The following MEGF10 variants were observed in gnomAD, a reference collection of about 807,000 sequenced individuals.
MEGF10 encodes multiple EGF like domains 10.
MEGF10 carries 86 observed loss-of-function variants against 147.5 expected under a neutral mutation model. That is an observed-to-expected ratio of 0.58 (90% CI 0.49 to 0.70). The LOEUF (loss-of-function observed/expected upper bound fraction) is 0.70, where lower values mean the gene tolerates loss of function less well. MEGF10 is among the 30% of genes least tolerant of loss of function. The pLI is 0.00. For synonymous variants in MEGF10, 478 were observed against 525.5 expected (o/e 0.91, Z 1.24); for missense variants, 1,329 against 1,487.3 (o/e 0.89, Z 1.75).
chr5:127,371,575 G>C (rs1762854267), intron 5 of MEGF10, among the ~76,000 whole-genome samples: 1 of 152,170 alleles, frequency 6.6e-6, no homozygotes, highest in African/African-American at 2.4e-5. Context: ...TCCAGGGCAA[G>C]AATGCCACAG....
At chr5:127,235,408 G>A in the MEGF10 span, among the ~76,000 whole-genome samples, 4 of 152,238 alleles carry the variant, frequency 2.6e-5, no homozygotes, top group South Asian at 2.1e-4. Flanking sequence ...GATGTTTAAC[G>A]TTTTGTCCAG....
chr5:127,337,206 T>A (rs1486428739), intron 2 of MEGF10, among the ~76,000 whole-genome samples: 1 of 152,110 alleles, frequency 6.6e-6, no homozygotes, highest in Admixed American at 6.6e-5. Context: ...CCAGTACATA[T>A]GTTACAGTGA....
At chr5:127,420,252 T>C (rs774058109) in intron 12 of MEGF10, 45 bp downstream of exon 12, 8 of 1,588,544 alleles carry the variant, frequency 5.0e-6, no homozygotes, top group African/African-American at 2.7e-5. Context: ...TATGAGGAAC[T>C]GATGTTGTAA....
chr5:127,457,372 T>A lies in MEGF10; in HGVS notation c.*54T>A. Reference sequence around the variant, plus strand: ...AACCCTTTCCAGAACTGCTGTTTGGTTCTTCTCCATCCTCAATTTTGCCAC... The same window carrying A: ...AACCCTTTCCAGAACTGCTGTTTGGATCTTCTCCATCCTCAATTTTGCCAC... On this transcript the variant is annotated 3_prime_UTR_variant, in exon 25 of 25. Coordinates refer to ENST00000503335, the MANE Select transcript of MEGF10 (RefSeq NM_001256545.2). 2 of 1,547,260 alleles carry A rather than the reference T, an allele frequency of 1.3e-6. No homozygotes were observed. Among genetic ancestry groups the A allele is most frequent in the Non-Finnish European group, 1.7e-6 (2 of 1,149,876 alleles).
intron 1 of MEGF10, among the ~76,000 whole-genome samples, chr5:127,324,545 C>T (rs778785868): frequency 5.9e-4 from 89 of 152,090 alleles, no homozygotes; most frequent in Admixed American, 1.6e-3. Flanking sequence ...CACATACTTC[C>T]GATTCCTAGG....
chr5:127,379,591 CTTCTTTTTTTT>C (rs1235599349), intron 5 of MEGF10, among the ~76,000 whole-genome samples: 65 of 139,982 alleles, frequency 4.6e-4, no homozygotes, highest in African/African-American at 1.6e-3. Context: ...ATATGGCCAG[CTTCTTTTTTTT>C]TTTTTTTTTT....
chr5:127,422,527 AAAAT>A (rs1245694883), intron 12 of MEGF10, 139 bp from the exon 13 acceptor site: 1 of 624,702 alleles, frequency 1.6e-6, no homozygotes, highest in Non-Finnish European at 2.8e-6. Context: ...AAAAAAGAAA[AAAAT>A]AAATAAAGAT....
intron 4 of MEGF10, among the ~76,000 whole-genome samples, chr5:127,342,466 C>T (rs568093779): frequency 9.9e-5 from 15 of 152,272 alleles, no homozygotes; most frequent in African/African-American, 2.6e-4. Context: ...GTGCTTGTGC[C>T]TGTCTTCTGG....
intron 4 of MEGF10, among the ~76,000 whole-genome samples, chr5:127,351,468 A>G (rs192411593): frequency 2.0e-5 from 3 of 152,292 alleles, no homozygotes; most frequent in Admixed American, 6.5e-5. Context: ...ATATATACTA[A>G]CGTTAGGCAC....
intron 4 of MEGF10, among the ~76,000 whole-genome samples, chr5:127,355,577 T>C (rs758259487): frequency 6.6e-6 from 1 of 152,192 alleles, no homozygotes; most frequent in Non-Finnish European, 1.5e-5. Flanking sequence ...GAAGGCCTTT[T>C]GTCCACATAC....
Position 127,443,061 on chromosome 5 carries a change from C to T in MEGF10, c.2426C>T (p.Thr809Ile), listed in dbSNP as rs1260360504. The T allele has an allele frequency of 1.9e-6, 3 of 1,613,780 alleles. No individual in the cohort carries two copies. The highest frequency in any genetic ancestry group is 2.5e-6 in the Non-Finnish European group (3 of 1,179,800). Reference sequence around the variant, plus strand: ...ATATGTGATTGTCTGAACAACTCCACCTGCGACCACATCACTGGGACCTGT... The same window carrying T: ...ATATGTGATTGTCTGAACAACTCCATCTGCGACCACATCACTGGGACCTGT... The part of the protein sequence containing the change: ...RQICDCLNNS[T>I]CDHITGTCYC... Residue 809 changes from threonine (T) to isoleucine (I), a missense_variant, in exon 19 of 25, where the codon ACC becomes ATC. Physicochemically the swap from Thr to Ile is moderately conservative, Grantham distance 89. Transcript: ENST00000503335.
chr5:127,338,452 C>A lies in MEGF10; in HGVS notation c.117-668C>A, dbSNP rs76681026. 8.9e-3 allele frequency among the ~76,000 whole-genome samples: 1,352 copies of A among 152,120 alleles called. 24 individuals are homozygous for A. The highest frequency in any genetic ancestry group is 0.031 in the African/African-American group (1,283 of 41,522). On this transcript the variant is annotated intron_variant, in intron 2 of 24. Coordinates refer to ENST00000503335, the MANE Select transcript of MEGF10 (RefSeq NM_001256545.2). Reference sequence around the variant, plus strand: ...TTGTATGTTTTCACTCTAAGAAGAACCTGTTAGTGAAAATGTATTGGAAAA... The same window carrying A: ...TTGTATGTTTTCACTCTAAGAAGAAACTGTTAGTGAAAATGTATTGGAAAA...
At chr5:127,353,566 G>A (rs1762164890) in intron 4 of MEGF10, among the ~76,000 whole-genome samples, 1 of 152,214 alleles carries the variant, frequency 6.6e-6, no homozygotes, top group African/African-American at 2.4e-5. Flanking sequence ...GCGAATCATT[G>A]TAAGCAGCGC....
chr5:127,290,126 A>G (rs981365389), upstream of MEGF10, among the ~76,000 whole-genome samples: 8 of 152,072 alleles, frequency 5.3e-5, no homozygotes, highest in South Asian at 4.2e-4. Context: ...CCATTCCCCA[A>G]TAAATTGCCG....
chr5:127,351,209 T>C (rs1420553090), intron 4 of MEGF10, among the ~76,000 whole-genome samples: 1 of 152,204 alleles, frequency 6.6e-6, no homozygotes, highest in African/African-American at 2.4e-5. Context: ...TGAAGCTATT[T>C]TTTTATCTGT....
intron 5 of MEGF10, among the ~76,000 whole-genome samples, chr5:127,393,761 A>C (rs1403701288): frequency 6.6e-6 from 1 of 152,132 alleles, no homozygotes; most frequent in African/African-American, 2.4e-5. Context: ...GCTGATAGTT[A>C]TCAGTTTCTG....
At chr5:127,263,312 G>T in the MEGF10 span, among the ~76,000 whole-genome samples, 3 of 149,072 alleles carry the variant, frequency 2.0e-5, no homozygotes, top group African/African-American at 4.9e-5. Flanking sequence ...ATTCTCGGGG[G>T]GGGGGTAAAA....
chr5:127,454,809 A>C (rs372251403), intron 23 of MEGF10, among the ~76,000 whole-genome samples, 199 bp downstream of exon 23: 1 of 152,236 alleles, frequency 6.6e-6, no homozygotes, highest in East Asian at 1.9e-4. Context: ...GTAGAGCTTA[A>C]GTCTTTGGGG....
the MEGF10 span, among the ~76,000 whole-genome samples, chr5:127,256,663 T>C: frequency 3.4e-3 from 523 of 152,322 alleles, 1 homozygote; most frequent in Non-Finnish European, 5.5e-3. Flanking sequence ...TTGAGTAAAG[T>C]CTGCTTTAAC....
Sources: gnomAD v4.1 joint callset for allele counts (sites outside exome capture counted in the v4.1 genomes callset) on GRCh38, gnomAD v4.1.1 for gene constraint, MANE v1.5 for transcripts, NCBI Gene and HGNC (gene_info 2026-07-23, HGNC 2026-07-21) for gene names.